Variants in SYNE1 observed in about 807,000 individuals in gnomAD.
SYNE1 encodes the protein nesprin-1.
In SYNE1, 616 loss-of-function variants were observed where a neutral mutation model predicts 1,111.0. The ratio of observed to expected loss-of-function variants is 0.55; its 90% CI spans 0.52 to 0.59. The LOEUF (loss-of-function observed/expected upper bound fraction) is 0.59. Ranked by LOEUF, SYNE1 falls within the 20% of genes least tolerant of loss-of-function variation. SYNE1 has a pLI of 0.00. For synonymous variants in SYNE1, 3,855 were observed against 3,825.8 expected, an observed-to-expected ratio of 1.01 and a Z score of -0.28; for missense variants, 10,006 against 10,417.0, an observed-to-expected ratio of 0.96 and a Z score of 1.72.
At chr6:152,315,968 A>G (rs1204331295) in intron 87 of SYNE1, 1 of 152,218 alleles carries the variant, frequency 6.6e-6, no homozygotes, top group African/African-American at 2.4e-5. Flanking sequence ...AAGGATACAT[A>G]AATAATATAA....
intron 91 of SYNE1, 30 bp from the exon 92 acceptor site, chr6:152,302,093 C>T: frequency 6.2e-7 from 1 of 1,613,732 alleles, no homozygotes; most frequent in Non-Finnish European, 8.5e-7. Context: ...ACCGGGGTGT[C>T]AGAGCAGCAT....
At chr6:152,210,246 T>C (rs2077291553) in intron 124 of SYNE1, among the ~76,000 whole-genome samples, 1 of 152,212 alleles carries the variant, frequency 6.6e-6, no homozygotes, top group South Asian at 2.1e-4. Context: ...TTTCATCTCT[T>C]TGGTGTATTT....
chr6:152,505,438 T>A lies in SYNE1; in HGVS notation c.582-41A>T, dbSNP rs187978319. The A allele has an allele frequency of 5.9e-5, 94 of 1,604,848 alleles. No individual in the cohort carries two copies. The African/African-American group carries it at 8.1e-4, about 14-fold the overall frequency. On this transcript the variant is annotated intron_variant, in intron 8 of 145. Coordinates refer to ENST00000367255, the MANE Select transcript of SYNE1 (RefSeq NM_182961.4). The stretch of plus-strand genomic sequence containing the variant: ...ACATAAAATGATGTCACATTCTGAA[T>A]AGATACAAGCACTTTCTTCAAGGCC...
Position 152,430,689 on chromosome 6 carries a change from T to G in SYNE1, c.4482A>C (p.Glu1494Asp). 1.9e-6 allele frequency: 3 copies of G among 1,614,094 alleles called. No homozygotes were observed. The highest frequency in any genetic ancestry group is 2.5e-6 in the Non-Finnish European group (3 of 1,179,968). ...SQIKVTIQEI[E>D]SKLSSIVGLE... Reference sequence around the variant, plus strand: ...ATCCTACAATGCTGCTGAGCTTACTTTCTATTTCCTGAATTGTGACCTAAT... The same window carrying G: ...ATCCTACAATGCTGCTGAGCTTACTGTCTATTTCCTGAATTGTGACCTAAT... The change falls in exon 35 of 146, where the codon GAA becomes GAC. Residue 1494 changes from glutamate (E) to aspartate (D), a missense_variant. Physicochemically the swap from Glu to Asp is conservative, Grantham distance 45. Coordinates refer to ENST00000367255, the MANE Select transcript of SYNE1 (RefSeq NM_182961.4).
intron 12 of SYNE1, among the ~76,000 whole-genome samples, chr6:152,485,442 A>G (rs1042286982): frequency 2.6e-5 from 4 of 152,244 alleles, no homozygotes; most frequent in African/African-American, 4.8e-5. Context: ...AAAATAATGC[A>G]GAATTAAAGC....
chr6:152,138,285 C>T (rs559606287), intron 140 of SYNE1, among the ~76,000 whole-genome samples: 4 of 151,868 alleles, frequency 2.6e-5, no homozygotes, highest in African/African-American at 7.2e-5. Context: ...CCGAGGCGGG[C>T]GGATCACTTG....
At chr6:152,181,209 C>T (rs753216586) in intron 128 of SYNE1, among the ~76,000 whole-genome samples, 10 of 152,062 alleles carry the variant, frequency 6.6e-5, no homozygotes, top group Non-Finnish European at 1.3e-4. Flanking sequence ...GTCAGGAGTT[C>T]GAAACCTGCG....
rs76768706 is a variant in SYNE1 at position 152,272,946 on chromosome 6, T to C, written c.18574-3660A>G. Among the ~76,000 whole-genome samples, 1,194 of 152,312 alleles carry C rather than the reference T, an allele frequency of 7.8e-3. 16 individuals carry two copies. Among genetic ancestry groups the C allele is most frequent in the African/African-American group, 0.027 (1,108 of 41,564 alleles). On this transcript the variant is annotated intron_variant, in intron 98 of 145. Transcript: ENST00000367255. ...ATGATCCTTTTCATGGCAATAATAA[T>C]GTAAACAGGGCTCCTTTTCTTCCCA...
chr6:152,127,941 C>T (rs560065176), intron 145 of SYNE1: 15 of 152,288 alleles, frequency 9.8e-5, no homozygotes, highest in Non-Finnish European at 2.1e-4. Flanking sequence ...ACTTCTCATT[C>T]CATCTTAGTT....
chr6:152,163,235 C>A (rs370045172), intron 131 of SYNE1, among the ~76,000 whole-genome samples: 2 of 152,162 alleles, frequency 1.3e-5, no homozygotes, highest in African/African-American at 4.8e-5. Flanking sequence ...CAGTGGCTCA[C>A]GCCTGTAATC....
At position 152,450,585 on chromosome 6, in the gene SYNE1, G is replaced by C. The variant is rs371626833; in HGVS notation, c.3395+40C>G. ...ATGATCTCCGAACTAACAGAATTAA[G>C]TTTGACTACACCCCTCTCTGGAGGC... On this transcript the variant is annotated intron_variant, in intron 27 of 145. Coordinates refer to ENST00000367255, the MANE Select transcript of SYNE1 (RefSeq NM_182961.4). The C allele has an allele frequency of 3.3e-6, 5 of 1,530,818 alleles. No homozygotes were observed. The African/African-American group carries it at 5.5e-5, about 17-fold the overall frequency. 94.8% of individuals were successfully genotyped at this position (1,530,818 alleles called of 1,614,324 possible).
intron 129 of SYNE1, among the ~76,000 whole-genome samples, chr6:152,177,166 T>C (rs1164273442): frequency 2.0e-5 from 3 of 152,224 alleles, no homozygotes; most frequent in Non-Finnish European, 4.4e-5. Context: ...CTATTAACTA[T>C]AGAGAATCGA....
At chr6:152,435,888 T>G in intron 33 of SYNE1, 53 bp downstream of exon 33, 1 of 1,600,952 alleles carries the variant, frequency 6.2e-7, no homozygotes, top group South Asian at 1.1e-5. Context: ...ACAGGAAAGA[T>G]TGTATGAAAC....
intron 56 of SYNE1, among the ~76,000 whole-genome samples, chr6:152,378,570 G>A (rs2097337123): frequency 6.6e-6 from 1 of 151,990 alleles, no homozygotes; most frequent in Admixed American, 6.5e-5. Flanking sequence ...ATTTCTTTTG[G>A]GGGTGGCACT....
intron 116 of SYNE1, 112 bp downstream of exon 116, chr6:152,225,609 A>G: frequency 7.8e-7 from 1 of 1,282,570 alleles, no homozygotes; most frequent in East Asian, 2.3e-5. Flanking sequence ...GTACAAGGAG[A>G]TAATGTATAG....
At chr6:152,341,612 G>A (rs2096535480) in intron 74 of SYNE1, among the ~76,000 whole-genome samples, 8 of 152,154 alleles carry the variant, frequency 5.3e-5, no homozygotes, top group Admixed American at 5.2e-4. Flanking sequence ...CTAGACGGGT[G>A]GTGTTGGGGA....
At chr6:152,371,585 G>T (rs2097180292) in intron 59 of SYNE1, among the ~76,000 whole-genome samples, 1 of 139,872 alleles carries the variant, frequency 7.1e-6, no homozygotes, top group Non-Finnish European at 1.5e-5. Context: ...GGAGATGAGA[G>T]GGGAGGGGAG....
intron 122 of SYNE1, 43 bp downstream of exon 122, chr6:152,214,863 C>T (rs762533441): frequency 6.2e-7 from 1 of 1,612,378 alleles, no homozygotes; most frequent in East Asian, 2.2e-5. Flanking sequence ...ACAAACCAGA[C>T]TAAGACAACT....
In SYNE1 at chr6:152,323,498, G is replaced by A. The variant is rs1590061246; in HGVS notation, c.15897C>T (p.Ala5299=). ...EEPPLMQEIT[A]MQDRCLNMQE... ...ATTACTTCAGGCACCGATCTTGCAT[G>A]GCGGTGATTTCCTGCATGAGCGGAG... The change falls in exon 82 of 146, where the codon GCC becomes GCT. Residue 5299 remains alanine (A), a synonymous_variant. Transcript: ENST00000367255. 4 of 1,614,012 alleles carry A rather than the reference G, an allele frequency of 2.5e-6. No homozygotes were observed. The highest frequency in any genetic ancestry group is 3.4e-6 in the Non-Finnish European group (4 of 1,180,034).
Sources: allele counts gnomAD v4.1 joint callset (sites outside exome capture counted in the v4.1 genomes callset), GRCh38; gene constraint gnomAD v4.1.1; transcripts MANE v1.5; gene names NCBI Gene and HGNC (gene_info 2026-07-23, HGNC 2026-07-21).